THSD7A: variants seen among roughly 807,000 people sequenced by gnomAD.
THSD7A encodes the protein thrombospondin type-1 domain-containing protein 7A.
THSD7A carries 96 observed loss-of-function variants against 231.3 expected under a neutral mutation model. The ratio of observed to expected loss-of-function variants is 0.41; its 90% CI spans 0.35 to 0.49. The LOEUF (loss-of-function observed/expected upper bound fraction) is 0.49. Ranked by LOEUF, THSD7A falls within the 20% of genes least tolerant of loss-of-function variation. The pLI, the probability that THSD7A is intolerant of heterozygous loss-of-function variation, is 0.05. For missense variants in THSD7A, 2,290 were observed against 2,070.2 expected, an observed-to-expected ratio of 1.11 and a Z score of -2.06; for synonymous variants, 940 against 743.3, an observed-to-expected ratio of 1.26 and a Z score of -4.30.
At chr7:11,402,394 T>C (rs1783437273) in intron 22 of THSD7A, among the ~76,000 whole-genome samples, 1 of 152,184 alleles carries the variant, frequency 6.6e-6, no homozygotes, top group Admixed American at 6.5e-5. Context: ...TTTTGAAAAG[T>C]TTGAAATCCA....
intron 1 of THSD7A, among the ~76,000 whole-genome samples, chr7:11,817,136 A>C (rs1784726902): frequency 6.6e-6 from 1 of 152,228 alleles, no homozygotes; most frequent in Non-Finnish European, 1.5e-5. Flanking sequence ...TTGACATGTG[A>C]AAGTAGGATA....
At chr7:11,378,666 A>T (rs1353501536) in intron 26 of THSD7A, 2 of 185,810 alleles carry the variant, frequency 1.1e-5, no homozygotes, top group East Asian at 2.9e-4. Flanking sequence ...TTTAAGGGTC[A>T]AACTATTACT....
chr7:11,477,565 T>C (rs149460241), intron 7 of THSD7A, among the ~76,000 whole-genome samples: 2 of 152,312 alleles, frequency 1.3e-5, no homozygotes, highest in Admixed American at 1.3e-4. Flanking sequence ...TGTGGATCCA[T>C]GGTTTCCTAT....
chr7:11,614,228 T>C (rs1391725706), intron 2 of THSD7A, among the ~76,000 whole-genome samples: 1 of 152,204 alleles, frequency 6.6e-6, no homozygotes, highest in African/African-American at 2.4e-5. Context: ...GCCCTTTAAC[T>C]ATAACTCTGG....
intron 19 of THSD7A, among the ~76,000 whole-genome samples, chr7:11,409,985 G>A (rs1325013611): frequency 3.3e-5 from 5 of 152,054 alleles, no homozygotes; most frequent in African/African-American, 1.2e-4. Flanking sequence ...CAGGTGATCC[G>A]CCCGACTGAG....
intron 2 of THSD7A, among the ~76,000 whole-genome samples, chr7:11,620,716 T>C (rs928321141): frequency 1.3e-5 from 2 of 152,154 alleles, no homozygotes; most frequent in African/African-American, 2.4e-5. Context: ...ATGAATGATA[T>C]GAAAAAACAC....
chr7:11,752,162 A>C (rs373696206), intron 1 of THSD7A, among the ~76,000 whole-genome samples: 1 of 152,212 alleles, frequency 6.6e-6, no homozygotes, highest in Non-Finnish European at 1.5e-5. Flanking sequence ...TGTTTACTAC[A>C]TATAAAAGCA....
chr7:11,527,929 G>T (rs1248799872), intron 6 of THSD7A, among the ~76,000 whole-genome samples: 1 of 152,134 alleles, frequency 6.6e-6, no homozygotes, highest in Non-Finnish European at 1.5e-5. Flanking sequence ...CAAGTGGGAG[G>T]ATTGGTTGAT....
At chr7:11,486,768 G>A (rs1311635869) in intron 6 of THSD7A, among the ~76,000 whole-genome samples, 2 of 152,034 alleles carry the variant, frequency 1.3e-5, no homozygotes, top group Non-Finnish European at 2.9e-5. Context: ...GGATTGCTTT[G>A]CATTTATATA....
chr7:11,715,933 G>C (rs562502974), intron 1 of THSD7A, among the ~76,000 whole-genome samples: 16 of 151,512 alleles, frequency 1.1e-4, no homozygotes, highest in South Asian at 8.3e-4. Flanking sequence ...TTTTCATTAA[G>C]GTACGAAATA....
chr7:11,535,267 G>T (rs1276781682), intron 6 of THSD7A, among the ~76,000 whole-genome samples: 1 of 151,922 alleles, frequency 6.6e-6, no homozygotes, highest in Admixed American at 6.6e-5. Context: ...AACTCTGACG[G>T]TTTTTTCTAA....
Position 11,738,035 on chromosome 7 carries a change from ATATC to A in THSD7A, c.190+93718_190+93721del, listed in dbSNP as rs150186669. 5.9e-3 allele frequency among the ~76,000 whole-genome samples: 895 copies of A among 151,682 alleles called. 7 individuals carry two copies. Among genetic ancestry groups the A allele is most frequent in the African/African-American group, 0.018 (762 of 41,314 alleles). The stretch of plus-strand genomic sequence containing the variant: ...TTTCATTTATGGTATTTATATATCT[ATATC>A]TATCTATCTAATAGTTTAATTTGAT... On this transcript the variant is annotated intron_variant, in intron 1 of 27. Coordinates refer to ENST00000423059, the MANE Select transcript of THSD7A (RefSeq NM_015204.3).
intron 1 of THSD7A, among the ~76,000 whole-genome samples, chr7:11,770,928 T>C (rs1331785465): frequency 6.6e-6 from 1 of 151,794 alleles, no homozygotes; most frequent in African/African-American, 2.4e-5. Context: ...AAGAAATCCA[T>C]TAATATACAA....
At chr7:11,542,082 CAT>C (rs1244337757) in intron 5 of THSD7A, among the ~76,000 whole-genome samples, 1 of 152,204 alleles carries the variant, frequency 6.6e-6, no homozygotes, top group Non-Finnish European at 1.5e-5. Flanking sequence ...AGCAATGTCA[CAT>C]GATTAAATTT....
At chr7:11,423,698 A>G (rs1413790193) in intron 16 of THSD7A, among the ~76,000 whole-genome samples, 2 of 152,090 alleles carry the variant, frequency 1.3e-5, no homozygotes, top group Non-Finnish European at 2.9e-5. Context: ...AAACCAGTGT[A>G]TTTAAAAAGA....
At chr7:11,665,286 A>T (rs535226778) in intron 1 of THSD7A, among the ~76,000 whole-genome samples, 1 of 152,034 alleles carries the variant, frequency 6.6e-6, no homozygotes, top group Non-Finnish European at 1.5e-5. Context: ...GTTCCTGCCC[A>T]TTAATGTTAA....
At chr7:11,829,391 G>A (rs1785125219) in intron 1 of THSD7A, among the ~76,000 whole-genome samples, 4 of 152,010 alleles carry the variant, frequency 2.6e-5, no homozygotes, top group Admixed American at 2.6e-4. Context: ...TATTTAATGA[G>A]TATTACAAAA....
intron 1 of THSD7A, among the ~76,000 whole-genome samples, chr7:11,704,512 C>T (rs1007170768): frequency 5.2e-4 from 79 of 150,662 alleles, no homozygotes; most frequent in African/African-American, 1.8e-3. Flanking sequence ...GGAGAAGAAG[C>T]AGGAAAGAGC....
At chr7:11,408,815 A>G (rs1364861992) in intron 19 of THSD7A, among the ~76,000 whole-genome samples, 1 of 152,090 alleles carries the variant, frequency 6.6e-6, no homozygotes, top group Non-Finnish European at 1.5e-5. Context: ...TACTTGACAG[A>G]GCTGAGTATT....
Sources: gnomAD v4.1 joint callset for allele counts (sites outside exome capture counted in the v4.1 genomes callset) on GRCh38, gnomAD v4.1.1 for gene constraint, MANE v1.5 for transcripts, NCBI Gene and HGNC (gene_info 2026-07-23, HGNC 2026-07-21) for gene names.